Variants in ZNF599 observed in about 807,000 individuals in gnomAD.
ZNF599 encodes the protein zinc finger protein 599.
Under a neutral mutation model 11.7 loss-of-function variants are expected in ZNF599, and 10 were observed. The ratio of observed to expected loss-of-function variants is 0.86; its 90% CI spans 0.53 to 1.45. The LOEUF is 1.45. Ranked by LOEUF, ZNF599 falls within the 40% of genes most tolerant of loss-of-function variation. The probability of loss-of-function intolerance (pLI) is 0.00; values close to 1 mark genes in which losing one functional copy is unlikely to be tolerated. For missense variants in ZNF599, 688 were observed against 713.6 expected (o/e 0.96, Z 0.41); for synonymous variants, 232 against 253.2 (o/e 0.92, Z 0.79).
the ZNF599 span, among the ~76,000 whole-genome samples, chr19:34,780,886 G>T: frequency 1.3e-5 from 2 of 152,190 alleles, no homozygotes; most frequent in Admixed American, 1.3e-4. Flanking sequence ...GCCGGGTGCG[G>T]TGGTTCATGC....
the ZNF599 span, among the ~76,000 whole-genome samples, chr19:34,793,280 T>C: frequency 9.9e-3 from 1,513 of 152,182 alleles, 27 homozygotes; most frequent in African/African-American, 0.035. Flanking sequence ...GGGAAGCCAA[T>C]TGGGTCTAGA....
chr19:34,782,962 T>TC, the ZNF599 span, among the ~76,000 whole-genome samples: 1 of 152,040 alleles, frequency 6.6e-6, no homozygotes, highest in Non-Finnish European at 1.5e-5. Context: ...CCTACTCTCC[T>TC]CCCCAACTTC....
chr19:34,760,120 A>G lies in ZNF599; in HGVS notation c.681T>C (p.Tyr227=). The G allele has an allele frequency of 2.5e-6, 4 of 1,614,178 alleles. No homozygotes were observed. Among genetic ancestry groups the G allele is most frequent in the Non-Finnish European group, 3.4e-6 (4 of 1,180,024 alleles). Residue 227 remains tyrosine, a synonymous_variant, in exon 4 of 4, where the codon TAT becomes TAC. Transcript: ENST00000329285. ...HQQIHAGVKP[Y]ECNECGKACR... ...AGGCTTTCCCACACTCATTGCACTC[A>G]TAGGGCTTCACTCCAGCATGAATCT...
chr19:34,759,859 T>C lies in ZNF599; in HGVS notation c.942A>G (p.Lys314=), dbSNP rs1191357218. ...THTREKPFLC[K]ECGKAFYYSS... is the part of the protein sequence containing the mutation. ...TGTAGTAAAAAGCTTTCCCACATTC[T>C]TTGCATAAAAAGGGTTTTTCTCGAG... The change falls in exon 4 of 4, where the codon AAA becomes AAG. Residue 314 remains lysine (K), a synonymous_variant. Coordinates refer to ENST00000329285, the MANE Select transcript of ZNF599 (RefSeq NM_001007248.3). 6.2e-7 allele frequency: 1 copy of C among 1,614,154 alleles called. No homozygotes were observed. The highest frequency in any genetic ancestry group is 1.7e-5 in the Admixed American group (1 of 60,024).
chr19:34,784,592 T>C, the ZNF599 span, among the ~76,000 whole-genome samples: 59 of 152,270 alleles, frequency 3.9e-4, 1 homozygote, highest in African/African-American at 1.4e-3. Context: ...CACTTATTAA[T>C]AGATCCTCTT....
chr19:34,802,311 A>T, the ZNF599 span, among the ~76,000 whole-genome samples: 3 of 152,216 alleles, frequency 2.0e-5, no homozygotes, highest in Non-Finnish European at 4.4e-5. Flanking sequence ...CAGGCAAAGG[A>T]CACAAGGATG....
chr19:34,761,055 G>C (rs188863338), intron 3 of ZNF599, among the ~76,000 whole-genome samples: 1 of 152,278 alleles, frequency 6.6e-6, no homozygotes, highest in Admixed American at 6.5e-5. Flanking sequence ...AACTTCGGCA[G>C]ATGAAAACAG....
At chr19:34,787,094 A>G in the ZNF599 span, among the ~76,000 whole-genome samples, 3 of 152,148 alleles carry the variant, frequency 2.0e-5, no homozygotes, top group Non-Finnish European at 4.4e-5. Flanking sequence ...TGAGAAAGGG[A>G]ATGCTCATTA....
chr19:34,802,078 C>T, the ZNF599 span, among the ~76,000 whole-genome samples: 1 of 152,218 alleles, frequency 6.6e-6, no homozygotes, highest in Admixed American at 6.5e-5. Flanking sequence ...CCTCATCTTT[C>T]ACTTCATGCC....
In ZNF599 at chr19:34,759,803, T is replaced by C. The variant is rs1392951259; in HGVS notation, c.998A>G (p.His333Arg). 6.2e-7 allele frequency: 1 copy of C among 1,614,220 alleles called. No individual in the cohort carries two copies. The highest frequency in any genetic ancestry group is 1.7e-5 in the Admixed American group (1 of 60,010). The change falls in exon 4 of 4, where the codon CAT becomes CGT. Residue 333 changes from histidine to arginine, a missense_variant. Coordinates refer to ENST00000329285, the MANE Select transcript of ZNF599 (RefSeq NM_001007248.3). ...GCACTCATAGAGTTTCTTTCCAGTA[T>C]GAATCCTCATATGTTGAGCAAATGA... ...SSSFAQHMRI[H>R]TGKKLYECGE...
rs2069187969 is a variant in ZNF599 at position 34,772,298 on chromosome 19, C to T, written c.18+526G>A. ...AAGATAAATCCAATGAGCTTCTTGT[C>T]TTCTAGCCTCCTGCCAAAAATGCTG... On this transcript the variant is annotated intron_variant, in intron 1 of 3. Coordinates refer to ENST00000329285, the MANE Select transcript of ZNF599 (RefSeq NM_001007248.3). 7.1e-6 allele frequency: 7 copies of T among 987,492 alleles called. No homozygotes were observed. In the South Asian group the frequency reaches 2.3e-4, roughly 33 times the overall value. The allele number at this position is 987,492 out of a possible 1,614,324, so 61.2% of individuals were successfully genotyped here. A position where few individuals can be genotyped will look rare whatever the true frequency, so the allele number is the denominator to read the frequency against.
At chr19:34,807,246 G>C in the ZNF599 span, among the ~76,000 whole-genome samples, 1 of 152,144 alleles carries the variant, frequency 6.6e-6, no homozygotes, top group Non-Finnish European at 1.5e-5. Flanking sequence ...ACCTGAACAG[G>C]TTCCCACAAT....
chr19:34,789,859 G>A, the ZNF599 span, among the ~76,000 whole-genome samples: 1 of 152,106 alleles, frequency 6.6e-6, no homozygotes, highest in Non-Finnish European at 1.5e-5. Context: ...GTTTGATGTG[G>A]TCCCATTTGA....
chr19:34,758,107 AT>A lies in ZNF599; in HGVS notation c.*926del, dbSNP rs2069082991. The A allele has an allele frequency of 6.6e-6, 1 of 152,130 alleles. No homozygotes were observed. The highest frequency in any genetic ancestry group is 6.5e-5 in the Admixed American group (1 of 15,284). The allele number at this position is 152,130 out of a possible 1,614,324, so 9.4% of individuals were successfully genotyped here. A position where few individuals can be genotyped will look rare whatever the true frequency, so the allele number is the denominator to read the frequency against. On this transcript the variant is annotated 3_prime_UTR_variant, in exon 4 of 4. Coordinates refer to ENST00000329285, the MANE Select transcript of ZNF599 (RefSeq NM_001007248.3). Reference sequence around the variant, plus strand: ...TAAAATATTTTTATTATAAAGAATAATTATAATTATTCAAGAAACACTGATA... The same window carrying A: ...TAAAATATTTTTATTATAAAGAATAATATAATTATTCAAGAAACACTGATA...
chr19:34,807,330 C>T, the ZNF599 span, among the ~76,000 whole-genome samples: 2 of 152,180 alleles, frequency 1.3e-5, no homozygotes, highest in East Asian at 1.9e-4. Flanking sequence ...TTGAAGCCAC[C>T]GTGATGCGAG....
the ZNF599 span, among the ~76,000 whole-genome samples, chr19:34,785,914 T>C: frequency 2.0e-5 from 3 of 152,118 alleles, no homozygotes; most frequent in Non-Finnish European, 4.4e-5. Context: ...AGTTGGGTGC[T>C]CCAACTTGGG....
chr19:34,800,938 T>C, the ZNF599 span, among the ~76,000 whole-genome samples: 1 of 152,222 alleles, frequency 6.6e-6, no homozygotes, highest in Non-Finnish European at 1.5e-5. Flanking sequence ...GTTCTACTTA[T>C]ATTACCCATC....
the ZNF599 span, among the ~76,000 whole-genome samples, chr19:34,799,012 T>C: frequency 1.3e-5 from 2 of 152,138 alleles, no homozygotes; most frequent in African/African-American, 2.4e-5. Context: ...CACAGCACTT[T>C]TTTTTTTGAG....
chr19:34,800,716 C>T, the ZNF599 span, among the ~76,000 whole-genome samples: 1 of 151,790 alleles, frequency 6.6e-6, no homozygotes, highest in Non-Finnish European at 1.5e-5. Flanking sequence ...CTGCCTCAGC[C>T]TCCAGAGTAG....
Sources: allele counts gnomAD v4.1 joint callset (sites outside exome capture counted in the v4.1 genomes callset), GRCh38; gene constraint gnomAD v4.1.1; transcripts MANE v1.5; gene names NCBI Gene and HGNC (gene_info 2026-07-23, HGNC 2026-07-21).